The following FGF1 variants were observed in gnomAD, a reference collection of about 807,000 sequenced individuals.
FGF1 encodes the protein beta-endothelial cell growth factor.
A neutral mutation model predicts 13.4 loss-of-function variants in FGF1; 9 were observed. That is an observed-to-expected ratio of 0.67 (90% CI 0.40 to 1.17). The LOEUF is 1.17. Ranked by LOEUF, FGF1 falls within the 50% of genes most tolerant of loss-of-function variation. FGF1 has a pLI of 0.01. For missense variants in FGF1, 156 were observed against 192.7 expected, an observed-to-expected ratio of 0.81 and a Z score of 1.13; for synonymous variants, 93 against 79.0, an observed-to-expected ratio of 1.18 and a Z score of -0.94.
At chr5:142,629,721 G>C (rs1466430760) in intron 1 of FGF1, among the ~76,000 whole-genome samples, 1 of 151,486 alleles carries the variant, frequency 6.6e-6, no homozygotes, top group African/African-American at 2.4e-5. Context: ...TTTCAAATTT[G>C]TTTTGCTCAC....
intron 1 of FGF1, among the ~76,000 whole-genome samples, chr5:142,655,976 C>A (rs527505631): frequency 6.6e-6 from 1 of 152,138 alleles, no homozygotes; most frequent in Non-Finnish European, 1.5e-5. Flanking sequence ...GCGTTCTCTG[C>A]AAGAGTGAGG....
At chr5:142,620,383 A>G (rs938381823) in intron 1 of FGF1, among the ~76,000 whole-genome samples, 7 of 152,034 alleles carry the variant, frequency 4.6e-5, no homozygotes, top group African/African-American at 1.7e-4. Context: ...GCGCCACTGC[A>G]CTCCAGCCTG....
chr5:142,669,205 G>A (rs1007277957), intron 1 of FGF1, among the ~76,000 whole-genome samples: 2 of 152,224 alleles, frequency 1.3e-5, no homozygotes, highest in East Asian at 1.9e-4. Flanking sequence ...AGCCAGTGGA[G>A]ACTTTGGAGA....
chr5:142,687,939 T>G (rs1272227716), upstream of FGF1, among the ~76,000 whole-genome samples: 1 of 152,246 alleles, frequency 6.6e-6, no homozygotes, highest in Admixed American at 6.5e-5. Context: ...ACTTTCCTAC[T>G]CATATCTTCC....
At chr5:142,667,923 G>A (rs1256023254) in intron 1 of FGF1, among the ~76,000 whole-genome samples, 2 of 152,170 alleles carry the variant, frequency 1.3e-5, no homozygotes, top group Non-Finnish European at 2.9e-5. Context: ...CTCTGGCCTC[G>A]CTCCCACTGA....
rs1327744314 is a variant in FGF1, at chr5:142,593,246, A to C, written c.*2044T>G. On this transcript the variant is annotated 3_prime_UTR_variant, in exon 4 of 4. Coordinates refer to ENST00000337706, the MANE Select transcript of FGF1 (RefSeq NM_000800.5). ...CCTCTCTGGGTATCTTTTTCTGGCC[A>C]AATCTTCATACTAAAGAGACGTTAA... 1 of 152,234 alleles carries C rather than the reference A, an allele frequency of 6.6e-6. No homozygotes were observed. Among genetic ancestry groups the C allele is most frequent in the Non-Finnish European group, 1.5e-5 (1 of 68,042 alleles). 9.4% of individuals were successfully genotyped at this position (152,234 alleles called of 1,614,324 possible). A position where few individuals can be genotyped will look rare whatever the true frequency, so the allele number is the denominator to read the frequency against.
upstream of FGF1, among the ~76,000 whole-genome samples, chr5:142,688,506 A>G (rs1035507352): frequency 6.6e-6 from 1 of 152,212 alleles, no homozygotes; most frequent in East Asian, 1.9e-4. Context: ...AGTGGAAATA[A>G]TAGCCGTCGA....
At chr5:142,629,745 C>T (rs147591317) in intron 1 of FGF1, among the ~76,000 whole-genome samples, 5 of 151,630 alleles carry the variant, frequency 3.3e-5, no homozygotes, top group African/African-American at 7.3e-5. Flanking sequence ...ATCACTGTTA[C>T]TCATCCTGTC....
chr5:142,603,353 C>T (rs1052520856), intron 2 of FGF1, among the ~76,000 whole-genome samples: 3 of 152,124 alleles, frequency 2.0e-5, no homozygotes, highest in Admixed American at 6.5e-5. Flanking sequence ...TGACACTCTG[C>T]GCACGGGGTC....
At chr5:142,641,024 A>T (rs1765119080) in intron 1 of FGF1, among the ~76,000 whole-genome samples, 1 of 152,074 alleles carries the variant, frequency 6.6e-6, no homozygotes, top group Non-Finnish European at 1.5e-5. Flanking sequence ...AGACATACAT[A>T]TTACAAAAGG....
intron 1 of FGF1, among the ~76,000 whole-genome samples, chr5:142,663,242 C>T (rs1256113044): frequency 2.2e-5 from 3 of 134,318 alleles, no homozygotes; most frequent in African/African-American, 9.0e-5. Context: ...GCAGGTTAAT[C>T]AGGAAAGAAA....
At chr5:142,646,527 G>A (rs1436219712) in intron 1 of FGF1, among the ~76,000 whole-genome samples, 1 of 152,008 alleles carries the variant, frequency 6.6e-6, no homozygotes, top group Non-Finnish European at 1.5e-5. Flanking sequence ...TACTTTTTGT[G>A]TTTTTAGTAG....
intron 1 of FGF1, among the ~76,000 whole-genome samples, chr5:142,657,683 G>A (rs112492717): frequency 1.2e-4 from 18 of 152,242 alleles, no homozygotes; most frequent in African/African-American, 3.9e-4. Context: ...GGCTGCGGCC[G>A]AGTGTCTGCC....
intron 1 of FGF1, among the ~76,000 whole-genome samples, chr5:142,628,823 G>A (rs249916): frequency 0.44 from 66,152 of 151,988 alleles, 15,382 homozygotes; most frequent in Non-Finnish European, 0.52. Flanking sequence ...GGCAACAAGA[G>A]GTAAGGAGGA....
chr5:142,675,625 C>A (rs1485393033), intron 1 of FGF1, among the ~76,000 whole-genome samples: 2 of 152,214 alleles, frequency 1.3e-5, no homozygotes, highest in Non-Finnish European at 2.9e-5. Context: ...TTAACCTCCA[C>A]CACCGTCCGT....
chr5:142,597,991 C>T (rs1374526041), intron 3 of FGF1, among the ~76,000 whole-genome samples: 2 of 152,150 alleles, frequency 1.3e-5, no homozygotes, highest in Non-Finnish European at 2.9e-5. Context: ...AGTGAAATGA[C>T]AACAGGGTGA....
At chr5:142,618,939 T>G (rs1470098212) in intron 1 of FGF1, among the ~76,000 whole-genome samples, 1 of 137,250 alleles carries the variant, frequency 7.3e-6, no homozygotes, top group Non-Finnish European at 1.6e-5. Flanking sequence ...GTTTTTTTTT[T>G]TTTTTTTTTT....
At chr5:142,649,565 C>A (rs1766828896) in intron 1 of FGF1, among the ~76,000 whole-genome samples, 1 of 152,124 alleles carries the variant, frequency 6.6e-6, no homozygotes, top group African/African-American at 2.4e-5. Flanking sequence ...TGCCACCACG[C>A]CCGGCTAATT....
chr5:142,664,719 A>G (rs1257082214), intron 1 of FGF1, among the ~76,000 whole-genome samples: 1 of 152,106 alleles, frequency 6.6e-6, no homozygotes, highest in East Asian at 1.9e-4. Context: ...ATGTCCAGGG[A>G]TTTCCTCTTC....
Sources: gnomAD v4.1 joint callset for allele counts (sites outside exome capture counted in the v4.1 genomes callset) on GRCh38, gnomAD v4.1.1 for gene constraint, MANE v1.5 for transcripts, NCBI Gene and HGNC (gene_info 2026-07-23, HGNC 2026-07-21) for gene names.